Variants in PPARGC1A observed in about 807,000 individuals in gnomAD.
PPARGC1A encodes peroxisome proliferator-activated receptor gamma coactivator 1-alpha.
In PPARGC1A, 25 loss-of-function variants were observed where a neutral mutation model predicts 88.7. The ratio of observed to expected loss-of-function variants is 0.28; its 90% CI spans 0.21 to 0.39. The LOEUF (loss-of-function observed/expected upper bound fraction) is 0.39. Among genes scored for constraint, PPARGC1A ranks in the 10% least tolerant of loss-of-function variants. The pLI, the probability that PPARGC1A is intolerant of heterozygous loss-of-function variation, is 1.00. For missense variants in PPARGC1A, 880 were observed against 968.7 expected, an observed-to-expected ratio of 0.91 and a Z score of 1.22; for synonymous variants, 363 against 355.6, an observed-to-expected ratio of 1.02 and a Z score of -0.24.
At chr4:24,329,919 A>G in the PPARGC1A span, among the ~76,000 whole-genome samples, 36 of 152,034 alleles carry the variant, frequency 2.4e-4, no homozygotes, top group African/African-American at 8.7e-4. Context: ...ATTCTCTCCT[A>G]CCTCTCCTCT....
At chr4:24,271,421 T>C in the PPARGC1A span, among the ~76,000 whole-genome samples, 1 of 152,016 alleles carries the variant, frequency 6.6e-6, no homozygotes, top group East Asian at 1.9e-4. Flanking sequence ...TCTGTGGCCC[T>C]GGCTGGAGTG....
the PPARGC1A span, among the ~76,000 whole-genome samples, chr4:24,119,946 A>T: frequency 6.6e-6 from 1 of 152,164 alleles, no homozygotes; most frequent in Admixed American, 6.5e-5. Flanking sequence ...TTAAGTTACA[A>T]ATATCCCTGG....
chr4:24,339,105 C>A, the PPARGC1A span, among the ~76,000 whole-genome samples: 2 of 151,714 alleles, frequency 1.3e-5, no homozygotes, highest in African/African-American at 4.8e-5. Context: ...ATGAATTTGA[C>A]TAGGTCCCTC....
chr4:23,970,118 T>C, the PPARGC1A span, among the ~76,000 whole-genome samples: 1 of 152,200 alleles, frequency 6.6e-6, no homozygotes, highest in South Asian at 2.1e-4. Context: ...TTACTAACAT[T>C]TAGACAGATT....
chr4:24,194,606 G>T, the PPARGC1A span, among the ~76,000 whole-genome samples: 1 of 93,694 alleles, frequency 1.1e-5, no homozygotes, highest in African/African-American at 3.0e-5. Flanking sequence ...CAGTGGGCTG[G>T]CACACACGCG....
At position 23,792,646 on chromosome 4, in the gene PPARGC1A, G is replaced by A. The variant is rs756618321; in HGVS notation, c.*3176C>T. The A allele has an allele frequency of 5.9e-5, 9 of 152,374 alleles. No homozygotes were observed. Among genetic ancestry groups the A allele is most frequent in the African/African-American group, 1.9e-4 (8 of 41,370 alleles). 9.4% of individuals were successfully genotyped at this position (152,374 alleles called of 1,614,324 possible). ...ATCCACATTACTAAAGCACCAGTTC[G>A]GTTACCAAAATTGTAGATGTGGTAC... On this transcript the variant is annotated 3_prime_UTR_variant, in exon 13 of 13. Transcript: ENST00000264867.
the PPARGC1A span, among the ~76,000 whole-genome samples, chr4:24,372,295 G>A: frequency 3.9e-5 from 6 of 152,272 alleles, no homozygotes; most frequent in South Asian, 2.1e-4. Flanking sequence ...TTGGTTCCAC[G>A]TAAGAATCAC....
At chr4:24,331,609 TCTTCA>T in the PPARGC1A span, among the ~76,000 whole-genome samples, 1 of 152,246 alleles carries the variant, frequency 6.6e-6, no homozygotes, top group East Asian at 1.9e-4. Context: ...GTTGATTGAA[TCTTCA>T]CTTCATAAGA....
At chr4:24,149,389 T>A in the PPARGC1A span, among the ~76,000 whole-genome samples, 1 of 151,876 alleles carries the variant, frequency 6.6e-6, no homozygotes, top group African/African-American at 2.4e-5. Flanking sequence ...ATAACTAGCA[T>A]CTTCTATGAC....
chr4:24,299,041 C>T, the PPARGC1A span, among the ~76,000 whole-genome samples: 1 of 152,088 alleles, frequency 6.6e-6, no homozygotes, highest in African/African-American at 2.4e-5. Context: ...AGAATCGCAT[C>T]GACTAAATCC....
the PPARGC1A span, among the ~76,000 whole-genome samples, chr4:24,073,692 T>A: frequency 2.0e-5 from 3 of 152,278 alleles, no homozygotes; most frequent in South Asian, 6.2e-4. Context: ...ACTATCACCA[T>A]TTTACAGATG....
the PPARGC1A span, among the ~76,000 whole-genome samples, chr4:24,299,526 G>C: frequency 6.6e-5 from 10 of 151,922 alleles, no homozygotes; most frequent in South Asian, 2.1e-3. Context: ...ATGGTTAAGC[G>C]TCTCGTGCAG....
chr4:23,808,950 GT>G (rs371819112), intron 10 of PPARGC1A, among the ~76,000 whole-genome samples: 119 of 148,122 alleles, frequency 8.0e-4, no homozygotes, highest in African/African-American at 2.8e-3. Context: ...ATTTCTGAAG[GT>G]TTTTTTTTTC....
chr4:24,338,275 G>A, the PPARGC1A span, among the ~76,000 whole-genome samples: 16 of 152,230 alleles, frequency 1.1e-4, no homozygotes, highest in African/African-American at 3.8e-4. Context: ...AAAAGCAAAG[G>A]TTTGGTTCAA....
At chr4:24,193,824 C>T in the PPARGC1A span, among the ~76,000 whole-genome samples, 1 of 152,110 alleles carries the variant, frequency 6.6e-6, no homozygotes, top group Non-Finnish European at 1.5e-5. Flanking sequence ...AGAGCAGAAA[C>T]GTGCTCAAGA....
At chr4:24,332,038 C>T in the PPARGC1A span, among the ~76,000 whole-genome samples, 6 of 152,032 alleles carry the variant, frequency 3.9e-5, no homozygotes, top group South Asian at 2.1e-4. Flanking sequence ...TTGTTGACGT[C>T]GGGCAGTAGT....
chr4:24,062,159 T>C, the PPARGC1A span, among the ~76,000 whole-genome samples: 2 of 152,156 alleles, frequency 1.3e-5, no homozygotes, highest in Non-Finnish European at 2.9e-5. Context: ...AACAAAGAAG[T>C]GGCATGACTT....
the PPARGC1A span, among the ~76,000 whole-genome samples, chr4:24,375,316 C>A: frequency 6.6e-6 from 1 of 152,132 alleles, no homozygotes. Flanking sequence ...TGCTCAAAGT[C>A]CGATTTGTCA....
the PPARGC1A span, among the ~76,000 whole-genome samples, chr4:24,068,767 C>T: frequency 6.6e-6 from 1 of 152,098 alleles, no homozygotes; most frequent in East Asian, 1.9e-4. Flanking sequence ...CTGGTACTTC[C>T]CCTTATGCCT....
Sources: allele counts gnomAD v4.1 joint callset (sites outside exome capture counted in the v4.1 genomes callset), GRCh38; gene constraint gnomAD v4.1.1; transcripts MANE v1.5; gene names NCBI Gene and HGNC (gene_info 2026-07-23, HGNC 2026-07-21).